PCDHGA4: variants seen among roughly 807,000 people sequenced by gnomAD.
PCDHGA4 encodes protocadherin gamma subfamily A, 4.
Under a neutral mutation model 54.6 loss-of-function variants are expected in PCDHGA4, and 38 were observed. That is an observed-to-expected ratio of 0.70 (90% CI 0.54 to 0.91). The LOEUF (loss-of-function observed/expected upper bound fraction) is 0.91. Ranked by LOEUF, PCDHGA4 falls within the 40% of genes least tolerant of loss-of-function variation. PCDHGA4 has a pLI of 0.00. For synonymous variants in PCDHGA4, 511 were observed against 512.9 expected, an observed-to-expected ratio of 1.00 and a Z score of 0.05; for missense variants, 1,298 against 1,220.9, an observed-to-expected ratio of 1.06 and a Z score of -0.94.
At chr5:141,383,607 T>C in intron 1 of PCDHGA4, 1 of 1,613,780 alleles carries the variant, frequency 6.2e-7, no homozygotes, top group South Asian at 1.1e-5. Flanking sequence ...TGGATGTGAA[T>C]GACCACACGC....
chr5:141,480,250 A>T (rs2099515553), intron 1 of PCDHGA4, among the ~76,000 whole-genome samples: 2 of 151,988 alleles, frequency 1.3e-5, no homozygotes, highest in African/African-American at 4.8e-5. Context: ...CAAAAAAAAA[A>T]AAAAATGTGT....
chr5:141,384,119 C>G, intron 1 of PCDHGA4: 5 of 1,608,930 alleles, frequency 3.1e-6, no homozygotes, highest in Non-Finnish European at 4.2e-6. Context: ...TTGGTCACAA[C>G]CAAAAACTTG....
intron 1 of PCDHGA4, among the ~76,000 whole-genome samples, chr5:141,455,286 T>G (rs889792228): frequency 6.6e-6 from 1 of 152,176 alleles, no homozygotes; most frequent in African/African-American, 2.4e-5. Flanking sequence ...AACATCACTT[T>G]ACATAGTTTC....
At chr5:141,430,682 C>A (rs2097302907) in intron 1 of PCDHGA4, 1 of 1,361,564 alleles carries the variant, frequency 7.3e-7, no homozygotes, top group South Asian at 1.7e-5. Flanking sequence ...CCAACTGTCC[C>A]ATTCTATGGG....
chr5:141,407,497 G>GTTTTTTTTTTTTTTTTTTTTTTTTTT (rs1554102286), intron 1 of PCDHGA4, among the ~76,000 whole-genome samples: 1 of 152,086 alleles, frequency 6.6e-6, no homozygotes, highest in African/African-American at 2.4e-5. Context: ...CTTTATTTCT[G>GTTTTTTTTTTTTTTTTTTTTTTTTTT]TTTTTCTTAG....
chr5:141,430,509 G>T, intron 1 of PCDHGA4: 1 of 328,564 alleles, frequency 3.0e-6, no homozygotes. Flanking sequence ...GGGAGTTCAA[G>T]ATTGTGCAGT....
At chr5:141,414,567 T>C in intron 1 of PCDHGA4, 1 of 1,613,962 alleles carries the variant, frequency 6.2e-7, no homozygotes, top group Non-Finnish European at 8.5e-7. Context: ...ACTTTACCTA[T>C]ATCCCAGAGA....
intron 1 of PCDHGA4, among the ~76,000 whole-genome samples, chr5:141,435,150 C>G (rs1256233613): frequency 6.6e-6 from 1 of 152,006 alleles, no homozygotes; most frequent in Non-Finnish European, 1.5e-5. Context: ...TTGTGATAAA[C>G]TTTTGTAAAT....
intron 1 of PCDHGA4, among the ~76,000 whole-genome samples, chr5:141,463,460 T>TTTC (rs1554144872): frequency 7.4e-6 from 1 of 136,038 alleles, no homozygotes; most frequent in South Asian, 2.5e-4. Context: ...TTTTTTTTTT[T>TTTC]TTTTTTGAGA....
chr5:141,392,713 G>C, intron 1 of PCDHGA4: 1 of 1,363,444 alleles, frequency 7.3e-7, no homozygotes, highest in Non-Finnish European at 9.6e-7. Flanking sequence ...AGGCACTCCA[G>C]GTTTCCGGAG....
At chr5:141,427,770 C>T (rs775095791) in intron 1 of PCDHGA4, 2 of 1,399,194 alleles carry the variant, frequency 1.4e-6, no homozygotes, top group Non-Finnish European at 2.0e-6. Context: ...TGACTTGGAG[C>T]TGCGGGCACT....
intron 1 of PCDHGA4, among the ~76,000 whole-genome samples, chr5:141,436,292 G>T (rs2097808605): frequency 6.6e-6 from 1 of 152,158 alleles, no homozygotes; most frequent in Non-Finnish European, 1.5e-5. Context: ...ACAAATCATT[G>T]AGAGTTAGAG....
chr5:141,476,054 A>T lies in PCDHGA4; in HGVS notation c.2515-18753A>T. The T allele has an allele frequency of 3.3e-6, 5 of 1,504,982 alleles. No homozygotes were observed. The highest frequency in any genetic ancestry group is 4.4e-6 in the Non-Finnish European group (5 of 1,134,040). 93.2% of individuals were successfully genotyped at this position (1,504,982 alleles called of 1,614,324 possible). A position where few individuals can be genotyped will look rare whatever the true frequency, so the allele number is the denominator to read the frequency against. ...AGCGCCCAAGCGCTAACCCGCTGAA[A>T]GTTTCTCAGCGAAATCTCAGGGACG... On this transcript the variant is annotated intron_variant, in intron 1 of 3. Coordinates refer to ENST00000571252, the MANE Select transcript of PCDHGA4 (RefSeq NM_018917.4). The surrounding 1 kb of genome is among the most constrained non-coding windows in gnomAD (Gnocchi z 7.6).
Position 141,476,657 on chromosome 5 carries a change from G to A in PCDHGA4, c.2515-18150G>A, listed in dbSNP as rs759887729. On this transcript the variant is annotated intron_variant, in intron 1 of 3. Coordinates refer to ENST00000571252, the MANE Select transcript of PCDHGA4 (RefSeq NM_018917.4). This position sits in a 1 kb window ranked among gnomAD's most constrained non-coding sequence, Gnocchi z 7.6. ...TGAGCTGAGCCGAAATGAATACTTTGCGCTTCGCGTGCAGACGCGGGAGGA... is the reference window on the plus strand; with the variant it reads ...TGAGCTGAGCCGAAATGAATACTTTACGCTTCGCGTGCAGACGCGGGAGGA... 1.9e-6 allele frequency: 3 copies of A among 1,614,140 alleles called. No homozygotes were observed. Among genetic ancestry groups the A allele is most frequent in the Non-Finnish European group, 2.5e-6 (3 of 1,180,060 alleles).
intron 1 of PCDHGA4, chr5:141,387,709 A>C (rs1404514491): frequency 3.7e-5 from 37 of 1,008,514 alleles, no homozygotes; most frequent in Admixed American, 1.5e-4. Flanking sequence ...GGGCAGCCCC[A>C]GCTCAGACTC....
Position 141,493,788 on chromosome 5 carries a change from C to A in PCDHGA4, c.2515-1019C>A, listed in dbSNP as rs2099750132. On this transcript the variant is annotated intron_variant, in intron 1 of 3. Transcript: ENST00000571252. This position sits in a 1 kb window ranked among gnomAD's most constrained non-coding sequence, Gnocchi z 4.3. ...ACTGGCAGTTCCGGAGCTTCCTTCT[C>A]CCTGGAGTAATCTGAGATACTCACA... 6.6e-6 allele frequency among the ~76,000 whole-genome samples: 1 copy of A among 152,162 alleles called. No homozygotes were observed. The highest frequency in any genetic ancestry group is 1.5e-5 in the Non-Finnish European group (1 of 68,026).
Position 141,376,131 on chromosome 5 carries a change from A to T in PCDHGA4, c.2514+18510A>T, listed in dbSNP as rs200974904. ...CTGGGCAGCCTCGAGCCCTCCGCCA[A>T]ACCCAACGATTCGGACCTCACTCTG... On this transcript the variant is annotated intron_variant, in intron 1 of 3. Transcript: ENST00000571252. 6.9e-4 allele frequency: 1,114 copies of T among 1,613,772 alleles called. 8 individuals carry two copies. Among genetic ancestry groups the T allele is most frequent in the South Asian group, 4.3e-3 (393 of 91,038 alleles).
Position 141,476,870 on chromosome 5 carries a change from C to T in PCDHGA4, c.2515-17937C>T, listed in dbSNP as rs2099400432. 3 of 1,613,772 alleles carry T rather than the reference C, an allele frequency of 1.9e-6. No individual in the cohort carries two copies. Among genetic ancestry groups the T allele is most frequent in the South Asian group, 1.1e-5 (1 of 91,094 alleles). On this transcript the variant is annotated intron_variant, in intron 1 of 3. Coordinates refer to ENST00000571252, the MANE Select transcript of PCDHGA4 (RefSeq NM_018917.4). The surrounding 1 kb of genome is among the most constrained non-coding windows in gnomAD (Gnocchi z 7.6). ...CTTCAACCAGTCCTTGTACCGGGCGCGCGTCCTGGAGGATGCACCCTCCGG... is the reference window on the plus strand; with the variant it reads ...CTTCAACCAGTCCTTGTACCGGGCGTGCGTCCTGGAGGATGCACCCTCCGG...
At chr5:141,392,946 G>C (rs1175467046) in intron 1 of PCDHGA4, 11 of 1,613,940 alleles carry the variant, frequency 6.8e-6, no homozygotes, top group Non-Finnish European at 9.3e-6. Flanking sequence ...AGGCTCCTTC[G>C]TGGGTAATAT....
Sources: gnomAD v4.1 joint callset for allele counts (sites outside exome capture counted in the v4.1 genomes callset) on GRCh38, gnomAD v4.1.1 for gene constraint, Gnocchi (gnomAD v3.1) non-coding constraint, MANE v1.5 for transcripts, NCBI Gene and HGNC (gene_info 2026-07-23, HGNC 2026-07-21) for gene names.